PCDHGA5: variants seen among roughly 807,000 people sequenced by gnomAD.
PCDHGA5 encodes protocadherin gamma subfamily A, 5, also known as protocadherin gamma-A5.
A neutral mutation model predicts 56.7 loss-of-function variants in PCDHGA5; 36 were observed. The ratio of observed to expected loss-of-function variants is 0.64; its 90% confidence interval spans 0.49 to 0.84. The LOEUF (loss-of-function observed/expected upper bound fraction) is 0.84. PCDHGA5 is among the 40% of genes least tolerant of loss of function. PCDHGA5 has a pLI of 0.00. For missense variants in PCDHGA5, 1,305 were observed against 1,201.5 expected (o/e 1.09, Z -1.27); for synonymous variants, 563 against 520.2 (o/e 1.08, Z -1.12).
At position 141,387,415 on chromosome 5, in the gene PCDHGA5, A is replaced by C. The variant is rs111350375; in HGVS notation, c.2421+20664A>C. Among the ~76,000 whole-genome samples the C allele has an allele frequency of 1.1e-3, 175 of 152,362 alleles. 1 individual carries two copies. Among genetic ancestry groups the C allele is most frequent in the Admixed American group, 4.9e-3 (75 of 15,312 alleles). ...CATGTTTGAAGATTGGGGAAAGCTT[A>C]TGTCAATAAATGTTTATGTACTTAA... On this transcript the variant is annotated intron_variant, in intron 1 of 3. Coordinates refer to ENST00000518069, the MANE Select transcript of PCDHGA5 (RefSeq NM_018918.3).
rs752660538 is a variant in PCDHGA5 at position 141,486,495 on chromosome 5, T to C, written c.2422-8312T>C. 1 of 1,614,074 alleles carries C rather than the reference T, an allele frequency of 6.2e-7. No individual in the cohort carries two copies. The highest frequency in any genetic ancestry group is 8.5e-7 in the Non-Finnish European group (1 of 1,179,922). On this transcript the variant is annotated intron_variant, in intron 1 of 3. Transcript: ENST00000518069. The surrounding 1 kb of genome is among the most constrained non-coding windows in gnomAD (Gnocchi z 5.0). ...CCTCCTCTCAGTACCCACAGAACTA[T>C]TTTCCTCAATATTTCAGATGTGAAT...
intron 3 of PCDHGA5, among the ~76,000 whole-genome samples, chr5:141,508,957 C>T (rs1242113190): frequency 6.6e-6 from 1 of 151,976 alleles, no homozygotes; most frequent in Non-Finnish European, 1.5e-5. Context: ...GAAATGTCAG[C>T]GGAATGAAAG....
At chr5:141,394,435 C>G (rs1473725556) in intron 1 of PCDHGA5, 1 of 1,614,246 alleles carries the variant, frequency 6.2e-7, no homozygotes, top group Non-Finnish European at 8.5e-7. Flanking sequence ...GGGGACCCGC[C>G]CCTCAGCAGC....
chr5:141,409,749 C>T (rs1477022032), intron 1 of PCDHGA5: 4 of 1,613,030 alleles, frequency 2.5e-6, no homozygotes, highest in Admixed American at 1.7e-5. Context: ...GTGGTGTTCG[C>T]GCAGCGCGCC....
intron 1 of PCDHGA5, chr5:141,388,083 C>A (rs942656707): frequency 1.5e-6 from 2 of 1,358,264 alleles, no homozygotes; most frequent in South Asian, 1.3e-5. Flanking sequence ...TCGAAAACTG[C>A]GCGTCAGTTC....
intron 3 of PCDHGA5, among the ~76,000 whole-genome samples, chr5:141,509,440 C>T (rs1036780108): frequency 2.0e-5 from 3 of 152,158 alleles, no homozygotes; most frequent in Non-Finnish European, 4.4e-5. Flanking sequence ...CTTGTTTCCT[C>T]CTCTCCCACC....
intron 2 of PCDHGA5, among the ~76,000 whole-genome samples, chr5:141,497,622 C>G (rs1434147255): frequency 6.6e-6 from 1 of 151,538 alleles, no homozygotes; most frequent in African/African-American, 2.4e-5. Context: ...TCACTGCAAC[C>G]TCTGCCTGCC....
intron 1 of PCDHGA5, chr5:141,417,116 C>A (rs1407873769): frequency 6.6e-6 from 1 of 151,954 alleles, no homozygotes; most frequent in Non-Finnish European, 1.5e-5. Context: ...ATACAGGACA[C>A]CCTGGATGAT....
At chr5:141,414,899 G>T (rs756810046) in intron 1 of PCDHGA5, 1 of 1,614,182 alleles carries the variant, frequency 6.2e-7, no homozygotes, top group Non-Finnish European at 8.5e-7. Context: ...CCCACAGACG[G>T]TTCCACAGGC....
chr5:141,476,574 G>A lies in PCDHGA5; in HGVS notation c.2422-18233G>A, dbSNP rs746783993. ...AGCGAGGCCGTGGCTCCGGGGACGC[G>A]CTTTCCGCTCGAGAGCGCGCACGAT... is the stretch of plus-strand genomic sequence containing the variant. On this transcript the variant is annotated intron_variant, in intron 1 of 3. Coordinates refer to ENST00000518069, the MANE Select transcript of PCDHGA5 (RefSeq NM_018918.3). The surrounding 1 kb of genome is among the most constrained non-coding windows in gnomAD (Gnocchi z 7.6). 40 of 1,614,084 alleles carry A rather than the reference G, an allele frequency of 2.5e-5. No homozygotes were observed. In the African/African-American group the frequency reaches 3.7e-4, roughly 15 times the overall value.
In PCDHGA5 at chr5:141,463,735, C is replaced by T. The variant is rs1411988885; in HGVS notation, c.2422-31072C>T. On this transcript the variant is annotated intron_variant, in intron 1 of 3. Coordinates refer to ENST00000518069, the MANE Select transcript of PCDHGA5 (RefSeq NM_018918.3). ...TGCTGGGATTACAGGCATGAGCCAC[C>T]GCGCCCGGCCTGCTTCTCTTCTCTT... 3.3e-5 allele frequency among the ~76,000 whole-genome samples: 5 copies of T among 152,100 alleles called. No individual in the cohort carries two copies. The East Asian group carries it at 7.8e-4, about 24-fold the overall frequency.
At chr5:141,482,570 C>A (rs2099568543) in intron 1 of PCDHGA5, among the ~76,000 whole-genome samples, 1 of 144,954 alleles carries the variant, frequency 6.9e-6, no homozygotes, top group African/African-American at 2.6e-5. Context: ...ATCTGCATAG[C>A]ATAAGATGCA....
intron 1 of PCDHGA5, among the ~76,000 whole-genome samples, chr5:141,429,386 T>TA (rs1561841076): frequency 9.9e-5 from 15 of 151,936 alleles, no homozygotes; most frequent in South Asian, 8.3e-4. Flanking sequence ...TGTTTTTTTT[T>TA]TAAAAAAAAT....
chr5:141,376,685 T>G lies in PCDHGA5; in HGVS notation c.2421+9934T>G, dbSNP rs866718563. On this transcript the variant is annotated intron_variant, in intron 1 of 3. Coordinates refer to ENST00000518069, the MANE Select transcript of PCDHGA5 (RefSeq NM_018918.3). The stretch of plus-strand genomic sequence containing the variant: ...TTCAGGTGAGGGTATCGTTTTTTTT[T>G]TTTTTTTTTTTTGAGACGGAGTCTC... The G allele has an allele frequency of 7.7e-4, 627 of 813,788 alleles. 5 individuals carry two copies. In the African/African-American group the frequency reaches 9.6e-3, roughly 12 times the overall value. 50.4% of individuals were successfully genotyped at this position (813,788 alleles called of 1,614,324 possible).
At chr5:141,481,811 G>A (rs1050821120) in intron 1 of PCDHGA5, among the ~76,000 whole-genome samples, 1 of 151,892 alleles carries the variant, frequency 6.6e-6, no homozygotes. Context: ...AATTCACCAG[G>A]CGTGGTGGCT....
chr5:141,457,045 C>T (rs1489830197), intron 1 of PCDHGA5, among the ~76,000 whole-genome samples: 1 of 152,198 alleles, frequency 6.6e-6, no homozygotes, highest in African/African-American at 2.4e-5. Context: ...GATAGTAAAA[C>T]TTTCATGCTT....
chr5:141,371,867 C>T (rs1452583584), intron 1 of PCDHGA5: 3 of 1,613,430 alleles, frequency 1.9e-6, no homozygotes, highest in African/African-American at 1.3e-5. Context: ...CCTACTACAT[C>T]GTGGCCAGTG....
At chr5:141,400,799 G>C (rs2094077749) in intron 1 of PCDHGA5, 1 of 553,376 alleles carries the variant, frequency 1.8e-6, no homozygotes, top group Non-Finnish European at 3.2e-6. Flanking sequence ...CTTTCTCAAA[G>C]CTAATGAATT....
chr5:141,455,162 T>G (rs1002208156), intron 1 of PCDHGA5, among the ~76,000 whole-genome samples: 5 of 150,972 alleles, frequency 3.3e-5, no homozygotes, highest in African/African-American at 7.3e-5. Context: ...GTTTGTTGGT[T>G]TTTTTTTTAG....
Sources: gnomAD v4.1 joint callset for allele counts (sites outside exome capture counted in the v4.1 genomes callset) on GRCh38, gnomAD v4.1.1 for gene constraint, Gnocchi (gnomAD v3.1) non-coding constraint, MANE v1.5 for transcripts, NCBI Gene and HGNC (gene_info 2026-07-23, HGNC 2026-07-21) for gene names.